Variants in PATJ observed in about 807,000 individuals in gnomAD.
The protein encoded by PATJ is inaD-like protein.
Under a neutral mutation model 224.9 loss-of-function variants are expected in PATJ, and 190 were observed. The observed-to-expected ratio is 0.84, with a 90% confidence interval of 0.75 to 0.95. The LOEUF is 0.95. Ranked by LOEUF, PATJ falls within the 40% of genes least tolerant of loss-of-function variation. The pLI is 0.00. For missense variants in PATJ, 2,121 were observed against 2,270.3 expected, an observed-to-expected ratio of 0.93 and a Z score of 1.34; for synonymous variants, 769 against 820.3, an observed-to-expected ratio of 0.94 and a Z score of 1.07.
intron 28 of PATJ, among the ~76,000 whole-genome samples, chr1:62,001,209 C>G (rs2149607294): frequency 6.6e-6 from 1 of 151,462 alleles, no homozygotes; most frequent in South Asian, 2.1e-4. Flanking sequence ...TCCCATTTGT[C>G]AATTTTGGCT....
At chr1:62,125,250 A>AAAAC (rs1408780509) in intron 39 of PATJ, among the ~76,000 whole-genome samples, 1 of 103,654 alleles carries the variant, frequency 9.6e-6, no homozygotes, top group Non-Finnish European at 2.0e-5. Flanking sequence ...AAAAAAAAAA[A>AAAAC]AAACAAAAAA....
intron 20 of PATJ, among the ~76,000 whole-genome samples, chr1:61,864,837 T>C (rs896634392): frequency 6.6e-6 from 1 of 152,238 alleles, no homozygotes; most frequent in Non-Finnish European, 1.5e-5. Flanking sequence ...TGGGGGTCAA[T>C]AAACTGCAGT....
chr1:62,131,340 A>T (rs1666240440), intron 41 of PATJ, among the ~76,000 whole-genome samples: 1 of 152,148 alleles, frequency 6.6e-6, no homozygotes, highest in Non-Finnish European at 1.5e-5. Context: ...TGAGCCCAGG[A>T]CCTTGAATTA....
chr1:62,067,912 T>G (rs1037245833), intron 31 of PATJ, among the ~76,000 whole-genome samples: 18 of 152,300 alleles, frequency 1.2e-4, no homozygotes, highest in African/African-American at 4.1e-4. Context: ...GCGATCCTCC[T>G]ACCTCAGCCT....
chr1:61,995,885 C>T (rs1486205709), intron 28 of PATJ, among the ~76,000 whole-genome samples: 1 of 152,062 alleles, frequency 6.6e-6, no homozygotes, highest in Admixed American at 6.6e-5. Context: ...CCCTTCAGTG[C>T]CAATGTAGGA....
At chr1:62,053,021 G>A (rs1170762790) in intron 31 of PATJ, among the ~76,000 whole-genome samples, 1 of 152,170 alleles carries the variant, frequency 6.6e-6, no homozygotes, top group Non-Finnish European at 1.5e-5. Context: ...ATACTCTCTT[G>A]CTTGCTGGAA....
chr1:61,969,984 G>A (rs1335371048), intron 27 of PATJ, among the ~76,000 whole-genome samples: 6 of 152,064 alleles, frequency 3.9e-5, no homozygotes, highest in Admixed American at 2.0e-4. Flanking sequence ...ATGAGCCACC[G>A]TGCCCGGCCC....
chr1:61,786,060 C>T (rs757916701), intron 7 of PATJ, among the ~76,000 whole-genome samples: 3 of 152,142 alleles, frequency 2.0e-5, no homozygotes, highest in South Asian at 2.1e-4. Context: ...CTTGCTCTGT[C>T]GCCCAAGCTG....
chr1:62,111,232 T>A (rs1391909045), intron 34 of PATJ, among the ~76,000 whole-genome samples: 2 of 152,220 alleles, frequency 1.3e-5, no homozygotes, highest in South Asian at 2.1e-4. Flanking sequence ...GGGTTTTTTT[T>A]ATTGAGTGAC....
chr1:62,148,542 A>T (rs959089066), intron 42 of PATJ, 152 bp downstream of exon 42: 6 of 634,006 alleles, frequency 9.5e-6, no homozygotes, highest in African/African-American at 1.8e-5. Context: ...CACAAGGCTT[A>T]ATTCCACCAC....
chr1:62,086,226 GCA>G lies in PATJ; in HGVS notation c.4377+1579_4377+1580del, dbSNP rs1186939383. ...TTTACTCAAGATGTGATTAATTAATGCATGTGTGTGTGTGTGTATGTGTGTGT... is the reference window on the plus strand; with the variant it reads ...TTTACTCAAGATGTGATTAATTAATGTGTGTGTGTGTGTGTATGTGTGTGT... On this transcript the variant is annotated intron_variant, in intron 33 of 43. Transcript: ENST00000642238. This position sits in a 1 kb window ranked among gnomAD's most constrained non-coding sequence, Gnocchi z 4.0. 2.0e-5 allele frequency among the ~76,000 whole-genome samples: 3 copies of G among 147,458 alleles called. No individual in the cohort carries two copies. Among genetic ancestry groups the G allele is most frequent in the African/African-American group, 7.4e-5 (3 of 40,460 alleles).
chr1:61,959,950 G>C (rs868665199), intron 27 of PATJ, among the ~76,000 whole-genome samples: 15 of 152,208 alleles, frequency 9.9e-5, no homozygotes, highest in African/African-American at 3.4e-4. Context: ...TTGAGCCCAG[G>C]AGTTTGAAGT....
intron 33 of PATJ, among the ~76,000 whole-genome samples, chr1:62,092,365 G>A (rs1660855085): frequency 6.6e-6 from 1 of 151,314 alleles, no homozygotes; most frequent in Admixed American, 6.6e-5. Flanking sequence ...GAGCAACAGA[G>A]CAAGACCTTG....
intron 22 of PATJ, among the ~76,000 whole-genome samples, chr1:61,892,756 A>G (rs1669785866): frequency 1.6e-5 from 1 of 61,596 alleles, no homozygotes; most frequent in African/African-American, 4.0e-5. Flanking sequence ...AGCCTCCCCT[A>G]TTGTCAATAT....
At chr1:62,108,859 T>C (rs1428342378) in intron 34 of PATJ, among the ~76,000 whole-genome samples, 2 of 152,150 alleles carry the variant, frequency 1.3e-5, no homozygotes, top group Non-Finnish European at 2.9e-5. Context: ...CACATACATA[T>C]AGATACATAC....
chr1:62,030,084 A>T (rs1648918737), intron 29 of PATJ, among the ~76,000 whole-genome samples: 1 of 152,216 alleles, frequency 6.6e-6, no homozygotes, highest in African/African-American at 2.4e-5. Flanking sequence ...AGGCAACATG[A>T]AAAGGACATG....
At chr1:62,000,551 T>C (rs1356127859) in intron 28 of PATJ, among the ~76,000 whole-genome samples, 2 of 151,316 alleles carry the variant, frequency 1.3e-5, no homozygotes, top group African/African-American at 4.9e-5. Context: ...GGCTGCATAG[T>C]ATTCCATGGT....
At chr1:61,802,661 T>G (rs1403789021) in intron 12 of PATJ, among the ~76,000 whole-genome samples, 2 of 152,216 alleles carry the variant, frequency 1.3e-5, no homozygotes, top group African/African-American at 4.8e-5. Context: ...TATACATGTT[T>G]TTTATTATAA....
At chr1:61,919,054 T>C (rs1394061298) in intron 26 of PATJ, among the ~76,000 whole-genome samples, 1 of 152,174 alleles carries the variant, frequency 6.6e-6, no homozygotes, top group African/African-American at 2.4e-5. Context: ...TATATCTTTT[T>C]CTTGATTAAT....
Sources: allele counts gnomAD v4.1 joint callset (sites outside exome capture counted in the v4.1 genomes callset), GRCh38; gene constraint gnomAD v4.1.1; non-coding constraint Gnocchi (gnomAD v3.1); transcripts MANE v1.5; gene names NCBI Gene and HGNC (gene_info 2026-07-23, HGNC 2026-07-21).